The following ATG7 variants were observed in gnomAD, a reference collection of about 807,000 sequenced individuals.
ATG7 encodes the protein ubiquitin-like modifier-activating enzyme ATG7.
A neutral mutation model predicts 82.4 loss-of-function variants in ATG7; 70 were observed. The observed-to-expected ratio is 0.85, with a 90% CI of 0.70 to 1.04. ATG7 has a LOEUF of 1.04. Ranked by LOEUF, ATG7 falls within the 50% of genes least tolerant of loss-of-function variation. The pLI is 0.00. For synonymous variants in ATG7, 287 were observed against 313.0 expected, an observed-to-expected ratio of 0.92 and a Z score of 0.88; for missense variants, 792 against 864.3, an observed-to-expected ratio of 0.92 and a Z score of 1.05.
At chr3:11,335,515 A>G (rs993075435) in intron 11 of ATG7, among the ~76,000 whole-genome samples, 2 of 152,186 alleles carry the variant, frequency 1.3e-5, no homozygotes, top group African/African-American at 4.8e-5. Context: ...GAGTTAGCTA[A>G]AAAGTAATGT....
intron 20 of ATG7, among the ~76,000 whole-genome samples, chr3:11,521,678 G>A (rs560821553): frequency 4.3e-4 from 65 of 151,922 alleles, no homozygotes; most frequent in Non-Finnish European, 7.1e-4. Flanking sequence ...TCAGCCTCCC[G>A]AGTAGCTGGG....
chr3:11,452,834 T>G (rs373881622), intron 20 of ATG7, among the ~76,000 whole-genome samples: 1 of 152,126 alleles, frequency 6.6e-6, no homozygotes, highest in East Asian at 1.9e-4. Context: ...CTTTTTAGTA[T>G]TTTTTTAAAC....
Position 11,316,911 on chromosome 3 carries a change from T to G in ATG7, c.678+1418T>G, listed in dbSNP as rs964643552. Among the ~76,000 whole-genome samples, 9 of 152,230 alleles carry G rather than the reference T, an allele frequency of 5.9e-5. No homozygotes were observed. The South Asian group carries it at 1.0e-3, about 18-fold the overall frequency. The stretch of plus-strand genomic sequence containing the variant: ...CCTTTAACTGACGGTCTGGTTATTC[T>G]TTAGCCTGAACTTAGGATGACTTTT... On this transcript the variant is annotated intron_variant, in intron 9 of 20. Transcript: ENST00000693202.
At chr3:11,351,491 G>A (rs2075541236) in intron 14 of ATG7, among the ~76,000 whole-genome samples, 1 of 152,218 alleles carries the variant, frequency 6.6e-6, no homozygotes, top group African/African-American at 2.4e-5. Context: ...CTGCAACATA[G>A]AGGTCAAAGA....
chr3:11,492,829 T>C (rs895393064), intron 20 of ATG7, among the ~76,000 whole-genome samples: 20 of 152,362 alleles, frequency 1.3e-4, no homozygotes, highest in African/African-American at 4.8e-4. Flanking sequence ...CTGGCCACTT[T>C]GGTGCTGGAA....
At chr3:11,459,498 GT>G (rs10706461) in intron 20 of ATG7, among the ~76,000 whole-genome samples, 126,442 of 147,736 alleles carry the variant, frequency 0.86, 54,218 homozygotes, top group East Asian at 1. Context: ...GGAGCCAAGT[GT>G]TTTTTTTTTT....
chr3:11,282,879 T>C (rs1943303141), intron 3 of ATG7, among the ~76,000 whole-genome samples: 1 of 152,212 alleles, frequency 6.6e-6, no homozygotes, highest in Admixed American at 6.5e-5. Context: ...CTACCTCCTT[T>C]TTACACATCA....
chr3:11,396,813 G>T (rs1009715760), intron 19 of ATG7, among the ~76,000 whole-genome samples: 4 of 150,660 alleles, frequency 2.7e-5, no homozygotes, highest in African/African-American at 7.3e-5. Context: ...GAAAAGAAAA[G>T]TATTAAAACT....
At chr3:11,546,084 G>A (rs915938352) in intron 20 of ATG7, among the ~76,000 whole-genome samples, 1 of 452 alleles carries the variant, frequency 2.2e-3, no homozygotes, top group African/African-American at 5.3e-3. Flanking sequence ...GCTGCAGTGA[G>A]TTATAGATGG....
chr3:11,298,973 C>A, intron 4 of ATG7, 118 bp downstream of exon 4: 1 of 1,126,670 alleles, frequency 8.9e-7, no homozygotes, highest in Non-Finnish European at 1.3e-6. Context: ...GTGCTCTTCA[C>A]TAGTTTCTAT....
intron 17 of ATG7, among the ~76,000 whole-genome samples, chr3:11,363,614 G>A (rs2076413024): frequency 1.3e-5 from 2 of 152,122 alleles, no homozygotes; most frequent in South Asian, 2.1e-4. Context: ...CAGTTTTGAT[G>A]GGGAAATCAA....
chr3:11,278,810 G>A (rs1398896716), intron 1 of ATG7, among the ~76,000 whole-genome samples: 3 of 152,158 alleles, frequency 2.0e-5, no homozygotes, highest in Admixed American at 6.5e-5. Context: ...AACTGCATAC[G>A]TGCTATGAAG....
rs1940634860 is a variant in ATG7, at chr3:11,272,441, C to T, written c.-366+11C>T. 1 of 152,496 alleles carries T rather than the reference C, an allele frequency of 6.6e-6. No individual in the cohort carries two copies. The highest frequency in any genetic ancestry group is 2.4e-5 in the African/African-American group (1 of 41,470). The allele number at this position is 152,496 out of a possible 1,614,324, so 9.4% of individuals were successfully genotyped here. A position where few individuals can be genotyped will look rare whatever the true frequency, so the allele number is the denominator to read the frequency against. ...GGAAGTTGAGCGGCGGTAAGTGAGCCGCGGCGGGCGAGGGTGTAGTGGGGT... is the reference window on the plus strand; with the variant it reads ...GGAAGTTGAGCGGCGGTAAGTGAGCTGCGGCGGGCGAGGGTGTAGTGGGGT... On this transcript the variant is annotated intron_variant, in intron 1 of 20. Coordinates refer to ENST00000693202, the MANE Select transcript of ATG7 (RefSeq NM_001349232.2).
intron 19 of ATG7, among the ~76,000 whole-genome samples, chr3:11,422,016 G>T (rs1474667452): frequency 6.6e-6 from 1 of 152,192 alleles, no homozygotes; most frequent in Non-Finnish European, 1.5e-5. Context: ...GTAAACAGAT[G>T]TGCTGTTACC....
chr3:11,454,260 C>T (rs1036205201), intron 20 of ATG7, among the ~76,000 whole-genome samples: 16 of 152,092 alleles, frequency 1.1e-4, no homozygotes, highest in South Asian at 4.1e-4. Flanking sequence ...GAGTTGACTC[C>T]GCCCTTGGCC....
At chr3:11,421,923 T>C (rs2081969546) in intron 19 of ATG7, among the ~76,000 whole-genome samples, 1 of 152,188 alleles carries the variant, frequency 6.6e-6, no homozygotes, top group Non-Finnish European at 1.5e-5. Context: ...GCATTGTCAG[T>C]GAGCAGTAAT....
chr3:11,542,215 G>T (rs536299077), intron 20 of ATG7, among the ~76,000 whole-genome samples: 1 of 152,248 alleles, frequency 6.6e-6, no homozygotes, highest in South Asian at 2.1e-4. Context: ...TCTAACCAGT[G>T]CTTGGACAAG....
At position 11,556,218 on chromosome 3, in the gene ATG7, G is replaced by A. The variant is rs1413242758; in HGVS notation, c.*1375G>A. 6.6e-6 allele frequency: 1 copy of A among 152,578 alleles called. No homozygotes were observed. The highest frequency in any genetic ancestry group is 2.4e-5 in the African/African-American group (1 of 41,416). 9.5% of individuals were successfully genotyped at this position (152,578 alleles called of 1,614,324 possible). ...TTACACACATGAAGAGAAGGTCAGA[G>A]CGCACTGCAGGCAGCGCGGCTCTGG... On this transcript the variant is annotated 3_prime_UTR_variant, in exon 21 of 21. Coordinates refer to ENST00000693202, the MANE Select transcript of ATG7 (RefSeq NM_001349232.2).
intron 19 of ATG7, among the ~76,000 whole-genome samples, chr3:11,383,237 A>G (rs901842548): frequency 1.3e-5 from 2 of 152,242 alleles, no homozygotes; most frequent in Admixed American, 1.3e-4. Flanking sequence ...GGCTCCCTTC[A>G]ATCTGGAAAA....
Sources: gnomAD v4.1 joint callset for allele counts (sites outside exome capture counted in the v4.1 genomes callset) on GRCh38, gnomAD v4.1.1 for gene constraint, MANE v1.5 for transcripts, NCBI Gene and HGNC (gene_info 2026-07-23, HGNC 2026-07-21) for gene names.